The following WNT3A variants were observed in gnomAD, a reference collection of about 807,000 sequenced individuals.
WNT3A encodes the protein Wnt family member 3A.
Under a neutral mutation model 37.0 loss-of-function variants are expected in WNT3A, and 17 were observed. That is an observed-to-expected ratio of 0.46 (90% CI 0.31 to 0.69). The LOEUF is 0.69. Ranked by LOEUF, WNT3A falls within the 30% of genes least tolerant of loss-of-function variation. WNT3A has a pLI of 0.05. For synonymous variants in WNT3A, 187 were observed against 211.0 expected (o/e 0.89, Z 0.99); for missense variants, 411 against 510.2 (o/e 0.81, Z 1.87).
chr1:228,035,847 C>T (rs74143622), intron 2 of WNT3A, among the ~76,000 whole-genome samples: 95 of 152,332 alleles, frequency 6.2e-4, no homozygotes, highest in African/African-American at 2.2e-3. Context: ...TCCTTCTCCG[C>T]TTCTCTGATC....
At chr1:228,025,418 G>A (rs984039599) in intron 2 of WNT3A, among the ~76,000 whole-genome samples, 37 of 151,336 alleles carry the variant, frequency 2.4e-4, no homozygotes, top group African/African-American at 7.8e-4. Flanking sequence ...GCATGATCAC[G>A]GCTCATTGCA....
At chr1:228,029,514 G>T (rs937906677) in intron 2 of WNT3A, among the ~76,000 whole-genome samples, 5 of 152,186 alleles carry the variant, frequency 3.3e-5, no homozygotes, top group Non-Finnish European at 5.9e-5. Context: ...GACAGGTCAC[G>T]CTGGGAAAGT....
intron 2 of WNT3A, among the ~76,000 whole-genome samples, chr1:228,048,728 T>C (rs1452071058): frequency 1.3e-5 from 2 of 152,016 alleles, no homozygotes; most frequent in East Asian, 3.9e-4. Context: ...CTGAGTGTCT[T>C]TTATCAATGG....
intron 1 of WNT3A, among the ~76,000 whole-genome samples, chr1:228,012,845 C>T (rs1375860847): frequency 6.6e-6 from 1 of 152,156 alleles, no homozygotes; most frequent in African/African-American, 2.4e-5. Context: ...CTGCAGCTAC[C>T]GAGGCCGAAG....
At chr1:228,017,584 A>G (rs979794839) in intron 1 of WNT3A, among the ~76,000 whole-genome samples, 2 of 152,234 alleles carry the variant, frequency 1.3e-5, no homozygotes, top group African/African-American at 2.4e-5. Flanking sequence ...ATCATGGCAC[A>G]GGCCTGTGGT....
intron 2 of WNT3A, among the ~76,000 whole-genome samples, chr1:228,026,587 G>A (rs1229440100): frequency 1.3e-5 from 2 of 152,132 alleles, no homozygotes; most frequent in Non-Finnish European, 2.9e-5. Flanking sequence ...TAACCAATAT[G>A]TAGTGTTTTA....
chr1:228,029,486 G>A (rs920025117), intron 2 of WNT3A, among the ~76,000 whole-genome samples: 2 of 152,178 alleles, frequency 1.3e-5, no homozygotes, highest in African/African-American at 4.8e-5. Flanking sequence ...CCGAAGGAAG[G>A]CTACTCAGAC....
chr1:228,020,217 C>T (rs753541510), intron 1 of WNT3A, among the ~76,000 whole-genome samples: 13 of 152,180 alleles, frequency 8.5e-5, no homozygotes, highest in African/African-American at 1.9e-4. Context: ...AGCGAGACTC[C>T]GTCTCAAAAC....
rs1047037138 is a variant in WNT3A, at chr1:228,039,043, GC to G, written c.314-11611del. 2.0e-5 allele frequency among the ~76,000 whole-genome samples: 3 copies of G among 152,158 alleles called. No individual in the cohort carries two copies. Among genetic ancestry groups the G allele is most frequent in the Admixed American group, 6.5e-5 (1 of 15,282 alleles). On this transcript the variant is annotated intron_variant, in intron 2 of 3. Coordinates refer to ENST00000284523, the MANE Select transcript of WNT3A (RefSeq NM_033131.4). This position sits in a 1 kb window ranked among gnomAD's most constrained non-coding sequence, Gnocchi z 4.1. ...GGGCCCCCAGCACCCGGCTGGACTG[GC>G]CACCATGGAGTCCTGCCCTCGGCCA...
At chr1:228,057,555 C>A (rs1344921294) in intron 3 of WNT3A, among the ~76,000 whole-genome samples, 1 of 152,082 alleles carries the variant, frequency 6.6e-6, no homozygotes, top group East Asian at 1.9e-4. Context: ...CTAGACTGGG[C>A]AGGGCGAGGG....
rs534196053 is a variant in WNT3A, at chr1:228,059,978, G to GT, written c.*517dup. The stretch of plus-strand genomic sequence containing the variant: ...GGCGGAGCGCCTCCTTAGGAGTGGG[G>GT]TTTTATGGTGGATGAGGCTTCTTCC... On this transcript the variant is annotated 3_prime_UTR_variant, in exon 4 of 4. Coordinates refer to ENST00000284523, the MANE Select transcript of WNT3A (RefSeq NM_033131.4). The GT allele has an allele frequency of 9.1e-4, 1,039 of 1,147,200 alleles. 5 individuals carry two copies. The African/African-American group carries it at 0.016, about 17-fold the overall frequency. The allele number at this position is 1,147,200 out of a possible 1,614,324, so 71.1% of individuals were successfully genotyped here. A position where few individuals can be genotyped will look rare whatever the true frequency, so the allele number is the denominator to read the frequency against.
At chr1:228,058,484 C>T (rs1238752038) in intron 3 of WNT3A, among the ~76,000 whole-genome samples, 1 of 152,256 alleles carries the variant, frequency 6.6e-6, no homozygotes, top group Non-Finnish European at 1.5e-5. Flanking sequence ...TATGTCCCAA[C>T]ATTGCCTTCC....
In WNT3A at chr1:228,059,314, GCATCGA is replaced by G; in HGVS notation, c.910_915del (p.Ile304_Asp305del). 6.3e-7 allele frequency: 1 copy of G among 1,577,668 alleles called. No homozygotes were observed. The highest frequency in any genetic ancestry group is 1.1e-5 in the South Asian group (1 of 88,076). On this transcript the variant is annotated inframe_deletion, in exon 4 of 4. Coordinates refer to ENST00000284523, the MANE Select transcript of WNT3A (RefSeq NM_033131.4). Reference sequence around the variant, plus strand: ...CGCACCTGCAACGTCAGCTCGCACGGCATCGACGGCTGCGACCTGCTGTGCTGCGGC... The same window carrying G: ...CGCACCTGCAACGTCAGCTCGCACGGCGGCTGCGACCTGCTGTGCTGCGGC...
intron 3 of WNT3A, among the ~76,000 whole-genome samples, chr1:228,058,720 T>C (rs1321178270): frequency 6.6e-6 from 1 of 152,198 alleles, no homozygotes; most frequent in Non-Finnish European, 1.5e-5. Context: ...CGCTCCACCC[T>C]AGACAGTGTA....
chr1:228,013,369 C>T lies in WNT3A; in HGVS notation c.71+6170C>T, dbSNP rs564116730. Among the ~76,000 whole-genome samples, 142 of 152,322 alleles carry T rather than the reference C, an allele frequency of 9.3e-4. 1 individual carries two copies. The highest frequency in any genetic ancestry group is 1.7e-3 in the Admixed American group (26 of 15,304). On this transcript the variant is annotated intron_variant, in intron 1 of 3. Transcript: ENST00000284523. ...TCCTTGGCCTCCCTACTGGCCTCCCCAGGTGACACCCTGGAGGTGTCTCTC... is the reference window on the plus strand; with the variant it reads ...TCCTTGGCCTCCCTACTGGCCTCCCTAGGTGACACCCTGGAGGTGTCTCTC...
chr1:228,037,606 C>G lies in WNT3A; in HGVS notation c.314-13050C>G, dbSNP rs1245737473. On this transcript the variant is annotated intron_variant, in intron 2 of 3. Transcript: ENST00000284523. This position sits in a 1 kb window ranked among gnomAD's most constrained non-coding sequence, Gnocchi z 4.1. ...GGCAGCTCTTTAGGGAACCAGCGTC[C>G]CCAAAGCCAGGTTGCGACCCCTGAC... 6.6e-6 allele frequency among the ~76,000 whole-genome samples: 1 copy of G among 152,166 alleles called. No individual in the cohort carries two copies. The highest frequency in any genetic ancestry group is 6.5e-5 in the Admixed American group (1 of 15,290).
chr1:228,033,524 T>C (rs376472992), intron 2 of WNT3A, among the ~76,000 whole-genome samples: 3 of 152,246 alleles, frequency 2.0e-5, no homozygotes, highest in Non-Finnish European at 4.4e-5. Flanking sequence ...CATTGTTCCA[T>C]ATGTCTGTCT....
intron 3 of WNT3A, among the ~76,000 whole-genome samples, chr1:228,051,253 A>G (rs892304519): frequency 3.3e-5 from 5 of 152,056 alleles, no homozygotes; most frequent in African/African-American, 7.2e-5. Flanking sequence ...CAATGAGGAA[A>G]TGCAGGCACA....
intron 3 of WNT3A, among the ~76,000 whole-genome samples, chr1:228,051,446 G>C (rs568634710): frequency 2.6e-5 from 4 of 152,184 alleles, no homozygotes; most frequent in Non-Finnish European, 5.9e-5. Context: ...GTAAAGCTTC[G>C]TGAGCCTGTG....
Sources: gnomAD v4.1 joint callset for allele counts (sites outside exome capture counted in the v4.1 genomes callset) on GRCh38, gnomAD v4.1.1 for gene constraint, Gnocchi (gnomAD v3.1) non-coding constraint, MANE v1.5 for transcripts, NCBI Gene and HGNC (gene_info 2026-07-23, HGNC 2026-07-21) for gene names.